KCNQ1: variants seen among roughly 807,000 people sequenced by gnomAD.
The protein encoded by KCNQ1 is potassium voltage-gated channel subfamily Q member 1, also known as potassium voltage-gated channel subfamily KQT member 1.
In KCNQ1, 49 loss-of-function variants were observed where a neutral mutation model predicts 72.4. That is an observed-to-expected ratio of 0.68 (90% confidence interval 0.54 to 0.86). The LOEUF (loss-of-function observed/expected upper bound fraction) is 0.86, where lower values mean the gene tolerates loss of function less well. Among genes scored for constraint, KCNQ1 ranks in the 40% least tolerant of loss-of-function variants. The probability of loss-of-function intolerance (pLI) is 0.00; values close to 1 mark genes in which losing one functional copy is unlikely to be tolerated. For missense variants in KCNQ1, 790 were observed against 945.1 expected (o/e 0.84, Z 2.15); for synonymous variants, 450 against 412.6 (o/e 1.09, Z -1.10).
chr11:2,568,500 C>A (rs945933380), intron 2 of KCNQ1, among the ~76,000 whole-genome samples: 2 of 152,128 alleles, frequency 1.3e-5, no homozygotes, highest in Non-Finnish European at 2.9e-5. Context: ...GCCTTTTTCA[C>A]GATGACCAAA....
intron 10 of KCNQ1, chr11:2,610,335 G>A (rs554819986): frequency 3.8e-5 from 15 of 397,860 alleles, no homozygotes; most frequent in South Asian, 2.6e-4. Context: ...TTTATTATGC[G>A]CTATTATAAT....
rs1286330189 is a variant in KCNQ1, at chr11:2,620,365, C to T, written c.1393+31511C>T. The T allele has an allele frequency of 8.3e-5, 17 of 205,212 alleles. No individual in the cohort carries two copies. The highest frequency in any genetic ancestry group is 2.4e-4 in the Admixed American group (4 of 16,832). The allele number at this position is 205,212 out of a possible 1,614,324, so 12.7% of individuals were successfully genotyped here. ...CTGAGTAGCTGGGATTAGAGGCATG[C>T]GCCACCACGTCCAGCTAATTTTGTA... is the stretch of plus-strand genomic sequence containing the variant. On this transcript the variant is annotated intron_variant, in intron 10 of 15. Transcript: ENST00000155840. The surrounding 1 kb of genome is among the most constrained non-coding windows in gnomAD (Gnocchi z 4.5).
At chr11:2,845,177 G>C (rs918962332) in intron 15 of KCNQ1, among the ~76,000 whole-genome samples, 1 of 152,190 alleles carries the variant, frequency 6.6e-6, no homozygotes, top group Non-Finnish European at 1.5e-5. Flanking sequence ...GAACAAGAAC[G>C]AGACCTCAGG....
intron 15 of KCNQ1, among the ~76,000 whole-genome samples, chr11:2,800,592 C>T (rs984378020): frequency 3.9e-5 from 6 of 152,178 alleles, no homozygotes; most frequent in African/African-American, 7.2e-5. Flanking sequence ...TTTACAGAAC[C>T]GGGGGCCAGA....
chr11:2,839,402 G>C (rs2134082215), intron 15 of KCNQ1, among the ~76,000 whole-genome samples: 1 of 152,384 alleles, frequency 6.6e-6, no homozygotes, highest in South Asian at 2.1e-4. Context: ...AGGTCTGTGA[G>C]GCTGTGGATG....
At position 2,848,584 on chromosome 11, in the gene KCNQ1, T is replaced by C. The variant is rs765566577; in HGVS notation, c.*581T>C. Reference sequence around the variant, plus strand: ...GGCAGGAGACTGTGGAGACTGCTCCTGAGCCCCCAGCTTCCAGCAGGAGGG... The same window carrying C: ...GGCAGGAGACTGTGGAGACTGCTCCCGAGCCCCCAGCTTCCAGCAGGAGGG... On this transcript the variant is annotated 3_prime_UTR_variant, in exon 16 of 16. Transcript: ENST00000155840. 4.4e-5 allele frequency: 20 copies of C among 453,862 alleles called. No homozygotes were observed. The highest frequency in any genetic ancestry group is 8.4e-5 in the Non-Finnish European group (19 of 226,650). The allele number at this position is 453,862 out of a possible 1,614,324, so 28.1% of individuals were successfully genotyped here. A position where few individuals can be genotyped will look rare whatever the true frequency, so the allele number is the denominator to read the frequency against.
chr11:2,791,665 C>G (rs1165458491), intron 15 of KCNQ1, among the ~76,000 whole-genome samples: 1 of 151,914 alleles, frequency 6.6e-6, no homozygotes, highest in Non-Finnish European at 1.5e-5. Flanking sequence ...GGTGTGGACC[C>G]CGAGGTTGTG....
Position 2,808,385 on chromosome 11 carries a change from G to A in KCNQ1, c.1794+30348G>A, listed in dbSNP as rs1489356635. Among the ~76,000 whole-genome samples, 1 of 152,198 alleles carries A rather than the reference G, an allele frequency of 6.6e-6. No individual in the cohort carries two copies. Among genetic ancestry groups the A allele is most frequent in the African/African-American group, 2.4e-5 (1 of 41,442 alleles). On this transcript the variant is annotated intron_variant, in intron 15 of 15. Transcript: ENST00000155840. The surrounding 1 kb of genome is among the most constrained non-coding windows in gnomAD (Gnocchi z 6.0). ...TACAGACCAGGAAAATTACTGTGCA[G>A]GAGCAAAGCAGGGCACTGTGCCGGA...
In KCNQ1 at chr11:2,725,217, G is replaced by A. The variant is rs1341859772; in HGVS notation, c.1515-43627G>A. Among the ~76,000 whole-genome samples, 3 of 152,234 alleles carry A rather than the reference G, an allele frequency of 2.0e-5. No homozygotes were observed. Among genetic ancestry groups the A allele is most frequent in the African/African-American group, 7.2e-5 (3 of 41,460 alleles). The stretch of plus-strand genomic sequence containing the variant: ...GCCATCTGTGCTCAGACCCAGTGGT[G>A]AGCCTAAGACAAGTTCCCAGAATCC... On this transcript the variant is annotated intron_variant, in intron 11 of 15. Coordinates refer to ENST00000155840, the MANE Select transcript of KCNQ1 (RefSeq NM_000218.3). This position sits in a 1 kb window ranked among gnomAD's most constrained non-coding sequence, Gnocchi z 7.2.
In KCNQ1 at chr11:2,563,460, G is replaced by A. The variant is rs1322345333; in HGVS notation, c.478-7168G>A. ...CCCCACAACACCGGATACCAGCATG[G>A]GGTCGGCCTGCGGGGCCATGTGTCT... On this transcript the variant is annotated intron_variant, in intron 2 of 15. Coordinates refer to ENST00000155840, the MANE Select transcript of KCNQ1 (RefSeq NM_000218.3). The surrounding 1 kb of genome is among the most constrained non-coding windows in gnomAD (Gnocchi z 7.4). 2.6e-5 allele frequency among the ~76,000 whole-genome samples: 4 copies of A among 152,230 alleles called. No individual in the cohort carries two copies. Among genetic ancestry groups the A allele is most frequent in the Admixed American group, 2.6e-4 (4 of 15,286 alleles).
At chr11:2,461,667 C>A in intron 1 of KCNQ1, 5 of 1,367,038 alleles carry the variant, frequency 3.7e-6, no homozygotes, top group Non-Finnish European at 4.9e-6. Context: ...GCTGTGGACC[C>A]TGGGAAAGAG....
At chr11:2,519,903 G>T (rs1425590159) in intron 1 of KCNQ1, among the ~76,000 whole-genome samples, 3 of 152,208 alleles carry the variant, frequency 2.0e-5, no homozygotes, top group Non-Finnish European at 4.4e-5. Context: ...CCCAAGTCCA[G>T]TGACACGTGT....
chr11:2,635,776 T>C (rs1849454836), intron 10 of KCNQ1: 1 of 152,170 alleles, frequency 6.6e-6, no homozygotes, highest in African/African-American at 2.4e-5. Context: ...CCTTGGGCAG[T>C]ATGGCCATTT....
intron 11 of KCNQ1, among the ~76,000 whole-genome samples, chr11:2,709,228 C>CT (rs397788088): frequency 7.2e-6 from 1 of 139,060 alleles, no homozygotes; most frequent in Non-Finnish European, 1.5e-5. Context: ...AGGCCCCCCC[C>CT]ACCCCCACCC....
chr11:2,694,267 C>A, intron 11 of KCNQ1: 1 of 398,658 alleles, frequency 2.5e-6, no homozygotes, highest in Non-Finnish European at 4.4e-6. Flanking sequence ...CTTTAAAGAG[C>A]CACAGCAGAG....
In KCNQ1 at chr11:2,479,261, G is replaced by C. The variant is rs558132347; in HGVS notation, c.386+33777G>C. Among the ~76,000 whole-genome samples the C allele has an allele frequency of 6.6e-6, 1 of 152,202 alleles. No individual in the cohort carries two copies. Among genetic ancestry groups the C allele is most frequent in the African/African-American group, 2.4e-5 (1 of 41,460 alleles). ...TCTTCTCACAGCTCCACTAGGCAGT[G>C]CCCCAGTGGGGACTTTGCATGGGGG... On this transcript the variant is annotated intron_variant, in intron 1 of 15. Coordinates refer to ENST00000155840, the MANE Select transcript of KCNQ1 (RefSeq NM_000218.3). This position sits in a 1 kb window ranked among gnomAD's most constrained non-coding sequence, Gnocchi z 4.6.
intron 15 of KCNQ1, among the ~76,000 whole-genome samples, chr11:2,799,374 G>A (rs977395936): frequency 4.1e-5 from 6 of 145,346 alleles, no homozygotes; most frequent in African/African-American, 1.3e-4. Context: ...CTGTAAGTTC[G>A]AGTGTGTGTG....
At chr11:2,503,405 T>C (rs1342165027) in intron 1 of KCNQ1, among the ~76,000 whole-genome samples, 1 of 152,056 alleles carries the variant, frequency 6.6e-6, no homozygotes, top group African/African-American at 2.4e-5. Context: ...TGGATGAAAC[T>C]GGAAACCATC....
At chr11:2,510,738 G>A (rs974487486) in intron 1 of KCNQ1, among the ~76,000 whole-genome samples, 1 of 152,218 alleles carries the variant, frequency 6.6e-6, no homozygotes, top group Non-Finnish European at 1.5e-5. Flanking sequence ...TGCTTCTCTG[G>A]TTAGCAGCAG....
Sources: allele counts gnomAD v4.1 joint callset (sites outside exome capture counted in the v4.1 genomes callset), GRCh38; gene constraint gnomAD v4.1.1; non-coding constraint Gnocchi (gnomAD v3.1); transcripts MANE v1.5; gene names NCBI Gene and HGNC (gene_info 2026-07-23, HGNC 2026-07-21).